NAA38: variants seen among roughly 807,000 people sequenced by gnomAD.
The protein encoded by NAA38 is N-alpha-acetyltransferase 38, NatC auxiliary subunit, also known as LSM domain containing 1.
A neutral mutation model predicts 12.6 loss-of-function variants in NAA38; 15 were observed. That is an observed-to-expected ratio of 1.19 (90% confidence interval 0.79 to 1.83). The LOEUF is 1.83. Ranked by LOEUF, NAA38 falls within the 40% of genes most tolerant of loss-of-function variation. NAA38 has a pLI of 0.00. For missense variants in NAA38, 183 were observed against 171.7 expected (o/e 1.07, Z -0.37); for synonymous variants, 88 against 69.9 (o/e 1.26, Z -1.29).
chr17:7,866,498 C>T lies in NAA38; in HGVS notation c.-5G>A, dbSNP rs1004920879. ...GAACTTAGAAACCCTTACCATGGTC[C>T]AGAAGGTAAGATTTGGCTCTTTCAG... On this transcript the variant is annotated 5_prime_UTR_variant, in exon 3 of 5. Coordinates refer to the NAA38 transcript ENST00000576861. The T allele has an allele frequency of 5.7e-6, 7 of 1,231,338 alleles. No homozygotes were observed. In the African/African-American group the frequency reaches 7.8e-5, roughly 14 times the overall value. The allele number at this position is 1,231,338 out of a possible 1,614,324, so 76.3% of individuals were successfully genotyped here.
At chr17:7,864,077 C>T (rs1966920262) in intron 3 of NAA38, 2 of 152,196 alleles carry the variant, frequency 1.3e-5, no homozygotes, top group African/African-American at 4.8e-5. Context: ...ATGCATCCAG[C>T]ACCACAGCTA....
upstream of NAA38, chr17:7,859,255 C>CT (rs970247546): frequency 1.2e-4 from 88 of 717,800 alleles, no homozygotes; most frequent in Non-Finnish European, 1.6e-4. Flanking sequence ...GGAGTTTCAG[C>CT]TTTTTTTTCC....
upstream of NAA38, chr17:7,860,078 G>A (rs747191319): frequency 2.3e-5 from 4 of 175,456 alleles, no homozygotes; most frequent in Non-Finnish European, 4.9e-5. Context: ...GAAACCCAAG[G>A]GAAAGAAAGG....
chr17:7,867,058 A>G (rs1966996081), intron 2 of NAA38, among the ~76,000 whole-genome samples: 1 of 152,172 alleles, frequency 6.6e-6, no homozygotes, highest in Admixed American at 6.6e-5. Context: ...AGTGGGGAGG[A>G]CAAGGGATAG....
intron 3 of NAA38, chr17:7,866,089 T>TC (rs1966967652): frequency 6.8e-6 from 1 of 147,384 alleles, no homozygotes; most frequent in East Asian, 1.9e-4. Context: ...GGAACTTTTT[T>TC]TTTTTTTTTT....
chr17:7,870,760 G>A lies in NAA38; in HGVS notation c.-65-4202C>T, dbSNP rs190142828. Among the ~76,000 whole-genome samples the A allele has an allele frequency of 8.6e-5, 13 of 151,946 alleles. No homozygotes were observed. The East Asian group carries it at 1.7e-3, about 20-fold the overall frequency. On this transcript the variant is annotated intron_variant, in intron 2 of 4. Coordinates refer to the NAA38 transcript ENST00000576861. ...AAATTAGCCCAGTGCAGTGGTGCAC[G>A]CCTGTAATCCCAGCTACTCGGGAGG...
At chr17:7,857,307 G>C in intron 1 of NAA38, 76 bp downstream of exon 1, 2 of 1,612,190 alleles carry the variant, frequency 1.2e-6, no homozygotes, top group Non-Finnish European at 1.7e-6. Flanking sequence ...AGAGGCTGCC[G>C]GGAGCTGCAG....
intron 2 of NAA38, among the ~76,000 whole-genome samples, chr17:7,870,708 C>A (rs1967070523): frequency 6.6e-6 from 1 of 151,794 alleles, no homozygotes; most frequent in South Asian, 2.1e-4. Context: ...ATGGTGAAAC[C>A]CGGTCTCTAC....
intron 3 of NAA38, chr17:7,865,113 G>A (rs1441023380): frequency 6.6e-6 from 1 of 152,116 alleles, no homozygotes; most frequent in African/African-American, 2.4e-5. Context: ...AGAATCACGA[G>A]AGCGATGGCT....
chr17:7,883,974 A>AC (rs1967386163), intron 1 of NAA38, among the ~76,000 whole-genome samples: 1 of 152,138 alleles, frequency 6.6e-6, no homozygotes, highest in African/African-American at 2.4e-5. Flanking sequence ...ACTGAGCATG[A>AC]GTACTGATTA....
chr17:7,860,074 C>CA (rs2078871474), upstream of NAA38: 1 of 175,198 alleles, frequency 5.7e-6, no homozygotes, highest in South Asian at 1.2e-4. Context: ...AGCTGAAACC[C>CA]AAGGGAAAGA....
At chr17:7,861,098 G>T (rs2078879801), upstream of NAA38, 1 of 152,122 alleles carries the variant, frequency 6.6e-6, no homozygotes, top group Non-Finnish European at 1.5e-5. Context: ...GGGGGTAATG[G>T]CTAGATTTGG....
rs373913829 is a variant in NAA38 at position 7,868,155 on chromosome 17, C to T, written c.-65-1597G>A. Among the ~76,000 whole-genome samples, 322 of 152,128 alleles carry T rather than the reference C, an allele frequency of 2.1e-3. 2 individuals are homozygous for T. The highest frequency in any genetic ancestry group is 7.3e-3 in the African/African-American group (301 of 41,478). On this transcript the variant is annotated intron_variant, in intron 2 of 4. Transcript: ENST00000576861. ...GTCAAGGATCAGATCCCCTTAAGGA[C>T]GAAGTGCAATCTACAGAGGTTTGGG...
At chr17:7,880,260 GACAGATAAGAAGAAAGA>G (rs1028533801) in intron 2 of NAA38, among the ~76,000 whole-genome samples, 1 of 151,966 alleles carries the variant, frequency 6.6e-6, no homozygotes, top group African/African-American at 2.4e-5. Context: ...GATCAAGACA[GACAGATAAGAAGAAAGA>G]ACCAAGAAAA....
At position 7,857,105 on chromosome 17, in the gene NAA38, C is replaced by G; in HGVS notation, c.175G>C (p.Asp59His). The change falls in exon 2 of 3, where the codon GAT becomes CAT. Residue 59 changes from aspartate to histidine, a missense_variant. By Grantham distance (81) the Asp-to-His change is moderately conservative. Coordinates refer to ENST00000575771, the MANE Select transcript of NAA38 (RefSeq NM_001320925.4). ...AAGCAGCCGACCAGTGTCCGTCCAT[C>G]TGTCATGCGAATGCGCATAGTCTTG... Reference protein sequence around the residue: ...LNKTMRIRMTDGRTLVGCFLC... With the variant: ...LNKTMRIRMTHGRTLVGCFLC... 1 of 1,613,548 alleles carries G rather than the reference C, an allele frequency of 6.2e-7. No homozygotes were observed. The highest frequency in any genetic ancestry group is 8.5e-7 in the Non-Finnish European group (1 of 1,180,048).
intron 2 of NAA38, among the ~76,000 whole-genome samples, chr17:7,881,786 G>A (rs1967276965): frequency 6.6e-6 from 1 of 150,822 alleles, no homozygotes; most frequent in Admixed American, 6.6e-5. Flanking sequence ...GGCCTGGAAG[G>A]TAGACAAACC....
chr17:7,861,998 TGCA>T (rs2078886694), upstream of NAA38: 5 of 152,362 alleles, frequency 3.3e-5, no homozygotes, highest in Admixed American at 2.6e-4. Flanking sequence ...CCTCTCTGCC[TGCA>T]ACACTCTTCC....
chr17:7,865,791 C>A (rs1464401312), intron 3 of NAA38: 1 of 152,116 alleles, frequency 6.6e-6, no homozygotes, highest in Non-Finnish European at 1.5e-5. Context: ...CCAGCCCAGT[C>A]TAGGGTGGAG....
chr17:7,869,738 G>A (rs529872763), intron 2 of NAA38, among the ~76,000 whole-genome samples: 2 of 152,094 alleles, frequency 1.3e-5, no homozygotes, highest in Non-Finnish European at 2.9e-5. Flanking sequence ...ATTCCAGCCC[G>A]GGTGACAGAG....
Sources: gnomAD v4.1 joint callset for allele counts (sites outside exome capture counted in the v4.1 genomes callset) on GRCh38, gnomAD v4.1.1 for gene constraint, MANE v1.5 for transcripts, NCBI Gene and HGNC (gene_info 2026-07-23, HGNC 2026-07-21) for gene names.